Variants in ERC2 observed in about 807,000 individuals in gnomAD.
ERC2 encodes ELKS/RAB6-interacting/CAST family member 2, also known as ERC protein 2.
A neutral mutation model predicts 114.8 loss-of-function variants in ERC2; 42 were observed. The ratio of observed to expected loss-of-function variants is 0.37; its 90% CI spans 0.29 to 0.47. The LOEUF (loss-of-function observed/expected upper bound fraction) is 0.47, where lower values mean the gene tolerates loss of function less well. Among genes scored for constraint, ERC2 ranks in the 20% least tolerant of loss-of-function variants. The pLI is 0.99. For missense variants in ERC2, 939 were observed against 1,150.7 expected, an observed-to-expected ratio of 0.82 and a Z score of 2.66; for synonymous variants, 454 against 425.5, an observed-to-expected ratio of 1.07 and a Z score of -0.82.
intron 14 of ERC2, among the ~76,000 whole-genome samples, chr3:55,858,986 C>T (rs1455193334): frequency 6.6e-6 from 1 of 152,208 alleles, no homozygotes; most frequent in Non-Finnish European, 1.5e-5. Flanking sequence ...ACTGACCTGG[C>T]TCCTTTACAG....
At chr3:56,460,191 A>C (rs1001892232) in intron 1 of ERC2, among the ~76,000 whole-genome samples, 8 of 152,234 alleles carry the variant, frequency 5.3e-5, no homozygotes, top group African/African-American at 1.9e-4. Flanking sequence ...CTGGCTGTGA[A>C]AGTGAGACAG....
chr3:56,219,492 T>G (rs2049751307), intron 3 of ERC2, among the ~76,000 whole-genome samples: 1 of 151,790 alleles, frequency 6.6e-6, no homozygotes, highest in Non-Finnish European at 1.5e-5. Flanking sequence ...TATCCTGAGT[T>G]TCCCAAAGCT....
intron 2 of ERC2, among the ~76,000 whole-genome samples, chr3:56,427,260 T>TTTGG (rs113604327): frequency 9.2e-4 from 129 of 140,316 alleles, no homozygotes; most frequent in African/African-American, 3.5e-3. Context: ...GGATTTTTTG[T>TTTGG]TTGGTTGGTT....
intron 17 of ERC2, among the ~76,000 whole-genome samples, chr3:55,566,386 G>C (rs971829135): frequency 9.3e-5 from 14 of 150,468 alleles, no homozygotes; most frequent in African/African-American, 7.3e-5. Context: ...ATGAATGCTT[G>C]CTGTTACTAT....
At chr3:56,193,444 T>A (rs182075702) in intron 3 of ERC2, among the ~76,000 whole-genome samples, 278 of 151,892 alleles carry the variant, frequency 1.8e-3, no homozygotes, top group Middle Eastern at 0.01. Context: ...GAGGCAGAGG[T>A]TGCAGTGAGC....
At chr3:55,800,364 G>A (rs776960268) in intron 14 of ERC2, among the ~76,000 whole-genome samples, 5 of 151,934 alleles carry the variant, frequency 3.3e-5, no homozygotes, top group South Asian at 2.1e-4. Flanking sequence ...GGCTGGTCTC[G>A]AACTCCTGAC....
At chr3:56,127,665 A>G (rs1358114511) in intron 6 of ERC2, among the ~76,000 whole-genome samples, 1 of 151,522 alleles carries the variant, frequency 6.6e-6, no homozygotes, top group African/African-American at 2.4e-5. Context: ...AGAGGTTGCT[A>G]TGAGCCAAGA....
At chr3:56,033,616 C>T (rs1375815094) in intron 7 of ERC2, among the ~76,000 whole-genome samples, 2 of 152,108 alleles carry the variant, frequency 1.3e-5, no homozygotes, top group African/African-American at 4.8e-5. Flanking sequence ...TTTATCACTC[C>T]TTAATTTCTG....
intron 12 of ERC2, among the ~76,000 whole-genome samples, chr3:55,972,204 T>C (rs941581747): frequency 6.6e-6 from 1 of 152,174 alleles, no homozygotes; most frequent in African/African-American, 2.4e-5. Context: ...CATTCAAAGT[T>C]TAGTGAAAGG....
intron 2 of ERC2, among the ~76,000 whole-genome samples, chr3:56,305,960 A>C (rs2056199932): frequency 6.6e-6 from 1 of 152,070 alleles, no homozygotes; most frequent in African/African-American, 2.4e-5. Flanking sequence ...AGTAAGTCTC[A>C]TGCCTCGGCC....
chr3:55,568,752 G>A (rs1184010741), intron 17 of ERC2, among the ~76,000 whole-genome samples: 1 of 152,136 alleles, frequency 6.6e-6, no homozygotes, highest in Non-Finnish European at 1.5e-5. Context: ...GCCAGCTCAG[G>A]ACCAACATCT....
chr3:55,874,463 T>C (rs1253805652), intron 14 of ERC2, among the ~76,000 whole-genome samples: 1 of 152,154 alleles, frequency 6.6e-6, no homozygotes, highest in African/African-American at 2.4e-5. Flanking sequence ...ATGGTGGTTT[T>C]GTTTTGGTGC....
chr3:56,013,143 G>C (rs532001165), intron 8 of ERC2, among the ~76,000 whole-genome samples: 1 of 152,110 alleles, frequency 6.6e-6, no homozygotes, highest in Admixed American at 6.6e-5. Context: ...CTTAACTCAC[G>C]GAGAGGCATT....
At chr3:56,018,209 T>C (rs927558890) in intron 8 of ERC2, among the ~76,000 whole-genome samples, 2 of 152,214 alleles carry the variant, frequency 1.3e-5, no homozygotes, top group Non-Finnish European at 2.9e-5. Flanking sequence ...AGGTGGCTAC[T>C]ATTATTACCC....
intron 2 of ERC2, among the ~76,000 whole-genome samples, chr3:56,334,331 A>G (rs907343461): frequency 6.6e-6 from 1 of 152,236 alleles, no homozygotes; most frequent in Non-Finnish European, 1.5e-5. Flanking sequence ...GCCATAGGCC[A>G]AGAGAATCGG....
At chr3:56,357,719 G>A (rs1211221775) in intron 2 of ERC2, among the ~76,000 whole-genome samples, 3 of 150,190 alleles carry the variant, frequency 2.0e-5, no homozygotes, top group East Asian at 3.9e-4. Context: ...ATTGCAAAAC[G>A]CCTGATTTCA....
At chr3:55,610,060 C>CAAAAAAAAAAAAAAAAAAAAAA (rs1172154104) in intron 17 of ERC2, among the ~76,000 whole-genome samples, 1 of 50,434 alleles carries the variant, frequency 2.0e-5, no homozygotes, top group Non-Finnish European at 3.8e-5. Flanking sequence ...CAAACAAACA[C>CAAAAAAAAAAAAAAAAAAAAAA]AAACAAAAAA....
At chr3:56,399,137 T>C (rs1165187935) in intron 2 of ERC2, among the ~76,000 whole-genome samples, 1 of 152,252 alleles carries the variant, frequency 6.6e-6, no homozygotes, top group Non-Finnish European at 1.5e-5. Flanking sequence ...ATGCTATTCA[T>C]GCCATATGCT....
chr3:55,954,366 A>G (rs73831818), intron 12 of ERC2, among the ~76,000 whole-genome samples: 14,180 of 152,188 alleles, frequency 0.093, 917 homozygotes, highest in East Asian at 0.24. Flanking sequence ...AAGGTCAACA[A>G]TGACTACCAT....
Sources: allele counts gnomAD v4.1 joint callset (sites outside exome capture counted in the v4.1 genomes callset), GRCh38; gene constraint gnomAD v4.1.1; transcripts MANE v1.5; gene names NCBI Gene and HGNC (gene_info 2026-07-23, HGNC 2026-07-21).